FAT3: variants seen among roughly 807,000 people sequenced by gnomAD.
FAT3 encodes the protein protocadherin Fat 3.
A neutral mutation model predicts 310.2 loss-of-function variants in FAT3; 95 were observed. The ratio of observed to expected loss-of-function variants is 0.31; its 90% CI spans 0.26 to 0.36. The LOEUF is 0.36. Ranked by LOEUF, FAT3 falls within the 10% of genes least tolerant of loss-of-function variation. The probability of loss-of-function intolerance (pLI) is 1.00; values close to 1 mark genes in which losing one functional copy is unlikely to be tolerated. For missense variants in FAT3, 5,408 were observed against 5,715.6 expected, an observed-to-expected ratio of 0.95 and a Z score of 1.74; for synonymous variants, 2,314 against 2,192.9, an observed-to-expected ratio of 1.06 and a Z score of -1.54.
chr11:92,746,343 GAACTCTCATTTATAA>G (rs1267144400), intron 4 of FAT3, among the ~76,000 whole-genome samples: 2 of 152,140 alleles, frequency 1.3e-5, no homozygotes, highest in Non-Finnish European at 2.9e-5. Flanking sequence ...TTGTGCAGGG[GAACTCTCATTTATAA>G]AACCATCAGA....
intron 8 of FAT3, among the ~76,000 whole-genome samples, chr11:92,790,540 G>A (rs1266726137): frequency 1.3e-5 from 2 of 152,188 alleles, no homozygotes; most frequent in East Asian, 1.9e-4. Context: ...GCACCCAGAA[G>A]ATTTCATAGA....
intron 3 of FAT3, among the ~76,000 whole-genome samples, chr11:92,536,240 C>T (rs934655344): frequency 2.0e-5 from 3 of 152,154 alleles, no homozygotes; most frequent in Non-Finnish European, 4.4e-5. Flanking sequence ...ATAAAACCAA[C>T]ACATGTTGAG....
At chr11:92,836,523 C>T (rs372581271) in intron 15 of FAT3, 43 bp from the exon 16 acceptor site, 1 of 1,602,140 alleles carries the variant, frequency 6.2e-7, no homozygotes, top group African/African-American at 1.3e-5. Flanking sequence ...CCTTTGCTGC[C>T]TTATGTCATG....
At chr11:92,556,327 T>A (rs566259044) in intron 3 of FAT3, among the ~76,000 whole-genome samples, 43 of 152,330 alleles carry the variant, frequency 2.8e-4, no homozygotes, top group African/African-American at 9.9e-4. Flanking sequence ...CCCTGTGCCT[T>A]GCTTGCCGTC....
chr11:92,679,187 C>T (rs1048357718), intron 3 of FAT3, among the ~76,000 whole-genome samples: 1 of 152,042 alleles, frequency 6.6e-6, no homozygotes, highest in African/African-American at 2.4e-5. Flanking sequence ...TTTCTTCATA[C>T]ATTCGTCTGT....
At chr11:92,587,201 T>G (rs972114519) in intron 3 of FAT3, among the ~76,000 whole-genome samples, 1 of 152,026 alleles carries the variant, frequency 6.6e-6, no homozygotes, top group African/African-American at 2.4e-5. Flanking sequence ...TAAATTCTAT[T>G]TAATATTCTC....
rs1279171692 is a variant in FAT3, at chr11:92,540,194, T to A, written c.3607+15246T>A. The stretch of plus-strand genomic sequence containing the variant: ...TCCAGGGCTCTGCCTTCTAATTTGC[T>A]GCTTCTCATCTGCGGAGCCATCCCA... On this transcript the variant is annotated intron_variant, in intron 3 of 27. Coordinates refer to ENST00000525166, the MANE Select transcript of FAT3 (RefSeq NM_001367949.2). 2.0e-5 allele frequency among the ~76,000 whole-genome samples: 3 copies of A among 152,188 alleles called. No individual in the cohort carries two copies. The East Asian group carries it at 5.8e-4, about 29-fold the overall frequency.
chr11:92,484,455 G>A (rs1416808178), intron 2 of FAT3, among the ~76,000 whole-genome samples: 1 of 152,062 alleles, frequency 6.6e-6, no homozygotes, highest in Non-Finnish European at 1.5e-5. Context: ...TGCACGAGGT[G>A]GATAAATGCA....
At chr11:92,401,234 G>A (rs949914833) in intron 2 of FAT3, among the ~76,000 whole-genome samples, 1 of 152,158 alleles carries the variant, frequency 6.6e-6, no homozygotes, top group African/African-American at 2.4e-5. Flanking sequence ...GCTCCTGGGA[G>A]TTGCTGTCTA....
intron 2 of FAT3, among the ~76,000 whole-genome samples, chr11:92,523,734 C>T (rs1368588659): frequency 6.6e-6 from 1 of 152,166 alleles, no homozygotes; most frequent in Admixed American, 6.5e-5. Context: ...CCAGAGTTTT[C>T]CCATCACGAT....
At chr11:92,442,101 ATATATATATAT>A (rs1175227749) in intron 2 of FAT3, among the ~76,000 whole-genome samples, 7 of 14,340 alleles carry the variant, frequency 4.9e-4, no homozygotes, top group Non-Finnish European at 9.3e-4. Flanking sequence ...ATATATATAT[ATATATATATAT>A]TTTTTTTTTT....
chr11:92,309,770 G>A (rs950910877), intron 1 of FAT3, among the ~76,000 whole-genome samples: 4 of 152,070 alleles, frequency 2.6e-5, no homozygotes, highest in African/African-American at 9.7e-5. Context: ...TGTGCATGGC[G>A]GGCATGCCTG....
intron 13 of FAT3, among the ~76,000 whole-genome samples, chr11:92,830,342 T>C (rs1591789786): frequency 6.6e-6 from 1 of 152,232 alleles, no homozygotes; most frequent in East Asian, 1.9e-4. Context: ...TCCTAGTTTG[T>C]ATGTTTTAGC....
chr11:92,525,972 T>G (rs961715542), intron 3 of FAT3, among the ~76,000 whole-genome samples: 6 of 152,218 alleles, frequency 3.9e-5, no homozygotes, highest in African/African-American at 1.4e-4. Context: ...AGAAAATTAT[T>G]GATTTTCTCT....
chr11:92,762,217 TTA>T (rs748300549), intron 5 of FAT3, 47 bp downstream of exon 5: 5 of 1,526,582 alleles, frequency 3.3e-6, no homozygotes, highest in Non-Finnish European at 4.4e-6. Flanking sequence ...GGGGAAGTGG[TTA>T]TGTTCTTATT....
intron 3 of FAT3, among the ~76,000 whole-genome samples, chr11:92,654,134 C>G (rs1942487201): frequency 6.6e-6 from 1 of 152,216 alleles, no homozygotes; most frequent in Non-Finnish European, 1.5e-5. Flanking sequence ...TACCCCGCTG[C>G]AGCATTCAGG....
At chr11:92,885,532 T>A (rs909794252) in intron 24 of FAT3, among the ~76,000 whole-genome samples, 5 of 152,214 alleles carry the variant, frequency 3.3e-5, no homozygotes, top group African/African-American at 1.2e-4. Context: ...TGCTATCTGC[T>A]GATTGTCTTT....
chr11:92,484,127 C>T (rs1250597383), intron 2 of FAT3, among the ~76,000 whole-genome samples: 1 of 152,182 alleles, frequency 6.6e-6, no homozygotes, highest in Non-Finnish European at 1.5e-5. Flanking sequence ...TATCCTTTGT[C>T]CAAAGGTATG....
At chr11:92,623,505 G>C (rs1167459464) in intron 3 of FAT3, among the ~76,000 whole-genome samples, 12 of 152,204 alleles carry the variant, frequency 7.9e-5, no homozygotes, top group Non-Finnish European at 1.8e-4. Context: ...ATACTGAAAA[G>C]AGAATGGAAA....
Sources: allele counts gnomAD v4.1 joint callset (sites outside exome capture counted in the v4.1 genomes callset), GRCh38; gene constraint gnomAD v4.1.1; transcripts MANE v1.5; gene names NCBI Gene and HGNC (gene_info 2026-07-23, HGNC 2026-07-21).